PTPN4: variants seen among roughly 807,000 people sequenced by gnomAD.
PTPN4 encodes the protein protein tyrosine phosphatase non-receptor type 4.
PTPN4 carries 49 observed loss-of-function variants against 135.5 expected under a neutral mutation model. The observed-to-expected ratio is 0.36, with a 90% CI of 0.29 to 0.46. The LOEUF is 0.46. Among genes scored for constraint, PTPN4 ranks in the 20% least tolerant of loss-of-function variants. The pLI, the probability that PTPN4 is intolerant of heterozygous loss-of-function variation, is 1.00. For missense variants in PTPN4, 860 were observed against 1,101.0 expected (o/e 0.78, Z 3.10); for synonymous variants, 333 against 369.9 (o/e 0.90, Z 1.14).
At chr2:119,775,908 A>C (rs1173373536) in intron 1 of PTPN4, among the ~76,000 whole-genome samples, 2 of 152,182 alleles carry the variant, frequency 1.3e-5, no homozygotes, top group Non-Finnish European at 2.9e-5. Flanking sequence ...GAAGAAATTC[A>C]AGAGCTAATT....
chr2:119,771,075 A>G (rs531747079), intron 1 of PTPN4, among the ~76,000 whole-genome samples: 2 of 152,242 alleles, frequency 1.3e-5, no homozygotes, highest in East Asian at 3.9e-4. Flanking sequence ...ATCAGTTACC[A>G]TGTAACAAGT....
chr2:119,827,305 A>G (rs545943938), intron 2 of PTPN4, among the ~76,000 whole-genome samples: 2 of 152,208 alleles, frequency 1.3e-5, no homozygotes, highest in African/African-American at 2.4e-5. Flanking sequence ...CTTTAAAGGA[A>G]GGCAAAGAGG....
intron 2 of PTPN4, among the ~76,000 whole-genome samples, chr2:119,831,762 C>G (rs2104963545): frequency 6.6e-6 from 1 of 152,254 alleles, no homozygotes; most frequent in Admixed American, 6.5e-5. Flanking sequence ...TTCTTTGAGA[C>G]AACATATATC....
At chr2:119,874,650 G>A (rs916106997) in intron 3 of PTPN4, among the ~76,000 whole-genome samples, 4 of 152,166 alleles carry the variant, frequency 2.6e-5, no homozygotes, top group African/African-American at 4.8e-5. Flanking sequence ...ATAGGTACAA[G>A]ATTACCTTTG....
At chr2:119,809,703 T>C (rs1424578279) in intron 1 of PTPN4, 134 bp from the exon 2 acceptor site, 3 of 739,140 alleles carry the variant, frequency 4.1e-6, no homozygotes, top group Non-Finnish European at 4.1e-6. Context: ...ACAATTCTTA[T>C]TCTGGTGTTT....
chr2:119,949,763 A>G (rs1451051170), intron 18 of PTPN4, among the ~76,000 whole-genome samples: 1 of 152,068 alleles, frequency 6.6e-6, no homozygotes, highest in Non-Finnish European at 1.5e-5. Flanking sequence ...GGATCACTTG[A>G]GCCCAGGAGA....
chr2:119,855,314 G>A lies in PTPN4; in HGVS notation c.139-7222G>A, dbSNP rs1177706459. ...TGTCCCCAGATGATGCTGCTGTCTC[G>A]GTAGAATTTAAAAATAACAAGTTGG... On this transcript the variant is annotated intron_variant, in intron 2 of 26. Coordinates refer to ENST00000263708, the MANE Select transcript of PTPN4 (RefSeq NM_002830.4). 2.0e-5 allele frequency among the ~76,000 whole-genome samples: 3 copies of A among 152,034 alleles called. No individual in the cohort carries two copies. The South Asian group carries it at 6.2e-4, about 32-fold the overall frequency.
chr2:119,861,728 ATTTGTCTGTTTT>A, intron 2 of PTPN4, among the ~76,000 whole-genome samples: 1 of 152,024 alleles, frequency 6.6e-6, no homozygotes, highest in East Asian at 1.9e-4. Context: ...CATGTTGATC[ATTTGTCTGTTTT>A]TACTCATAAG....
chr2:119,825,060 C>T (rs1279353159), intron 2 of PTPN4, among the ~76,000 whole-genome samples: 1 of 152,160 alleles, frequency 6.6e-6, no homozygotes, highest in Non-Finnish European at 1.5e-5. Flanking sequence ...GTCTTTCCTA[C>T]GTATATACTT....
chr2:119,772,359 A>G (rs1201651986), intron 1 of PTPN4, among the ~76,000 whole-genome samples: 1 of 152,184 alleles, frequency 6.6e-6, no homozygotes, highest in Non-Finnish European at 1.5e-5. Context: ...TTGTTTATGA[A>G]AAGAATTTCG....
intron 1 of PTPN4, among the ~76,000 whole-genome samples, chr2:119,777,543 G>A (rs1434607015): frequency 6.6e-6 from 1 of 152,156 alleles, no homozygotes; most frequent in Non-Finnish European, 1.5e-5. Flanking sequence ...GTTGAACATG[G>A]GAGGGGTTAG....
chr2:119,868,156 CTT>C (rs1189535600), intron 3 of PTPN4, among the ~76,000 whole-genome samples: 1 of 152,092 alleles, frequency 6.6e-6, no homozygotes, highest in Non-Finnish European at 1.5e-5. Context: ...AGAAAGGAAC[CTT>C]TTTACTCTGA....
intron 1 of PTPN4, among the ~76,000 whole-genome samples, chr2:119,770,749 A>G (rs1000873338): frequency 1.3e-5 from 2 of 152,184 alleles, no homozygotes; most frequent in Non-Finnish European, 2.9e-5. Context: ...CTAATTATTT[A>G]AACTTTAAGT....
Position 119,978,549 on chromosome 2 carries a change from G to A in PTPN4, c.*1479G>A, listed in dbSNP as rs1462756990. The A allele has an allele frequency of 6.6e-6, 1 of 152,132 alleles. No individual in the cohort carries two copies. Among genetic ancestry groups the A allele is most frequent in the Admixed American group, 6.5e-5 (1 of 15,284 alleles). 9.4% of individuals were successfully genotyped at this position (152,132 alleles called of 1,614,324 possible). On this transcript the variant is annotated 3_prime_UTR_variant, in exon 27 of 27. Transcript: ENST00000263708. ...GGAGGATCTGATTCCCATTAAGGAT[G>A]TGGGAATTCCCGTATTTTCCTCTTC... is the stretch of plus-strand genomic sequence containing the variant.
chr2:119,984,067 C>CGAA lies in PTPN4; in HGVS notation c.*6997_*6998insGAA, dbSNP rs1553484564. Among the ~76,000 whole-genome samples the CGAA allele has an allele frequency of 1.3e-5, 2 of 152,136 alleles. No homozygotes were observed. Among genetic ancestry groups the CGAA allele is most frequent in the Non-Finnish European group, 2.9e-5 (2 of 68,018 alleles). On this transcript the variant is annotated 3_prime_UTR_variant, in exon 27 of 27. Transcript: ENST00000263708. ...TGTTTTTATTTTCTGCCAGTAGACTCTATCTGCTTAAAAAAATAAAAATTG... is the reference window on the plus strand; with the variant it reads ...TGTTTTTATTTTCTGCCAGTAGACTCGAATATCTGCTTAAAAAAATAAAAATTG...
intron 9 of PTPN4, among the ~76,000 whole-genome samples, chr2:119,890,243 C>T (rs1169048411): frequency 6.7e-6 from 1 of 148,554 alleles, no homozygotes; most frequent in Non-Finnish European, 1.5e-5. Flanking sequence ...GGGTTGATCT[C>T]TTTGTCATTA....
intron 26 of PTPN4, 46 bp from the exon 27 acceptor site, chr2:119,976,938 T>G (rs1679626760): frequency 6.4e-7 from 1 of 1,574,728 alleles, no homozygotes. Flanking sequence ...GGGGACGGTT[T>G]TCTGACTTTT....
intron 2 of PTPN4, among the ~76,000 whole-genome samples, chr2:119,861,321 C>T (rs1378783628): frequency 6.6e-6 from 1 of 152,166 alleles, no homozygotes; most frequent in Admixed American, 6.5e-5. Context: ...ATGACCTAAT[C>T]ACCTCTTAAA....
chr2:119,855,353 T>C, intron 2 of PTPN4, among the ~76,000 whole-genome samples: 1 of 152,196 alleles, frequency 6.6e-6, no homozygotes, highest in African/African-American at 2.4e-5. Flanking sequence ...CTATTGCTAC[T>C]ATAGTACAAG....
Sources: allele counts gnomAD v4.1 joint callset (sites outside exome capture counted in the v4.1 genomes callset), GRCh38; gene constraint gnomAD v4.1.1; transcripts MANE v1.5; gene names NCBI Gene and HGNC (gene_info 2026-07-23, HGNC 2026-07-21).